Variants in SYNE2 observed in about 807,000 individuals in gnomAD.
The protein encoded by SYNE2 is spectrin repeat containing nuclear envelope protein 2.
A neutral mutation model predicts 856.3 loss-of-function variants in SYNE2; 431 were observed. The observed-to-expected ratio is 0.50, with a 90% CI of 0.47 to 0.55. The LOEUF (loss-of-function observed/expected upper bound fraction) is 0.55. Ranked by LOEUF, SYNE2 falls within the 20% of genes least tolerant of loss-of-function variation. SYNE2 has a pLI of 0.00. For synonymous variants in SYNE2, 2,923 were observed against 2,872.3 expected (o/e 1.02, Z -0.56); for missense variants, 8,129 against 8,023.2 (o/e 1.01, Z -0.50).
intron 99 of SYNE2, 97 bp from the exon 100 acceptor site, chr14:64,202,704 T>C (rs2098579785): frequency 6.6e-7 from 1 of 1,512,500 alleles, no homozygotes; most frequent in Non-Finnish European, 9.1e-7. Context: ...CCTGCAATGC[T>C]CTTACTGGCA....
At chr14:63,814,084 C>A (rs1178842712) in intron 1 of SYNE2, among the ~76,000 whole-genome samples, 1 of 150,406 alleles carries the variant, frequency 6.6e-6, no homozygotes, top group East Asian at 1.9e-4. Context: ...ACAACAACAA[C>A]AACAACAGCA....
intron 2 of SYNE2, among the ~76,000 whole-genome samples, chr14:63,925,589 A>G (rs1466883872): frequency 6.6e-6 from 1 of 152,118 alleles, no homozygotes; most frequent in African/African-American, 2.4e-5. Context: ...GCTAGCAAAT[A>G]CTAGGTCTTC....
At chr14:63,975,736 A>G (rs2096537293) in intron 11 of SYNE2, among the ~76,000 whole-genome samples, 1 of 152,242 alleles carries the variant, frequency 6.6e-6, no homozygotes, top group Non-Finnish European at 1.5e-5. Context: ...GCATTTGAGC[A>G]TCTAATTTTC....
intron 1 of SYNE2, among the ~76,000 whole-genome samples, chr14:63,887,040 T>C (rs999462267): frequency 3.3e-5 from 5 of 152,156 alleles, no homozygotes; most frequent in Non-Finnish European, 5.9e-5. Flanking sequence ...CCCAGGACTT[T>C]GGGAGGCCAA....
At chr14:64,067,437 T>TA (rs1379698247) in intron 51 of SYNE2, among the ~76,000 whole-genome samples, 2 of 152,218 alleles carry the variant, frequency 1.3e-5, no homozygotes, top group African/African-American at 4.8e-5. Flanking sequence ...TCTGTCAACT[T>TA]ACATGATATT....
chr14:63,953,371 AG>A (rs1229554145), intron 7 of SYNE2, among the ~76,000 whole-genome samples: 1 of 152,208 alleles, frequency 6.6e-6, no homozygotes, highest in Non-Finnish European at 1.5e-5. Context: ...TTTGAGAAAC[AG>A]GAACAAGGCT....
At chr14:64,188,515 CTA>C in intron 97 of SYNE2, 33 bp from the exon 98 acceptor site, 2 of 1,613,886 alleles carry the variant, frequency 1.2e-6, no homozygotes, top group Non-Finnish European at 1.7e-6. Context: ...TCCTTCCTGG[CTA>C]TACTCAGCTG....
At chr14:64,142,196 C>T (rs1041130916) in intron 82 of SYNE2, 108 bp downstream of exon 82, 1 of 1,328,470 alleles carries the variant, frequency 7.5e-7, no homozygotes, top group Non-Finnish European at 1.1e-6. Context: ...AAAACTAATT[C>T]TAGGGGTAGG....
chr14:64,088,938 A>G (rs1487143996), intron 58 of SYNE2, among the ~76,000 whole-genome samples: 2 of 152,372 alleles, frequency 1.3e-5, no homozygotes, highest in Non-Finnish European at 1.5e-5. Flanking sequence ...CCTAAAATAC[A>G]TTGTATAATT....
At chr14:64,001,794 T>A in intron 28 of SYNE2, 140 bp from the exon 29 acceptor site, 1 of 931,572 alleles carries the variant, frequency 1.1e-6, no homozygotes, top group South Asian at 1.3e-5. Flanking sequence ...ATTAATGTGA[T>A]AATGTGTATG....
At chr14:63,837,698 G>A (rs138356410) in intron 1 of SYNE2, among the ~76,000 whole-genome samples, 1,753 of 151,740 alleles carry the variant, frequency 0.012, 19 homozygotes, top group Non-Finnish European at 0.017. Context: ...GTGGATTGCT[G>A]GAGCCCAGGA....
chr14:63,840,851 A>G (rs1890044057), intron 1 of SYNE2, among the ~76,000 whole-genome samples: 1 of 152,020 alleles, frequency 6.6e-6, no homozygotes, highest in African/African-American at 2.4e-5. Context: ...CATCTCTATT[A>G]AAAAGACAAA....
chr14:64,037,801 C>A (rs1175412096), intron 45 of SYNE2, among the ~76,000 whole-genome samples: 19 of 141,164 alleles, frequency 1.3e-4, no homozygotes, highest in African/African-American at 4.7e-4. Flanking sequence ...CGGGCAGAGG[C>A]GCCCCTCACC....
chr14:64,041,375 A>C, intron 45 of SYNE2, among the ~76,000 whole-genome samples: 1 of 152,330 alleles, frequency 6.6e-6, no homozygotes, highest in Middle Eastern at 3.4e-3. Context: ...AAAAGACATC[A>C]TACACAAAAT....
At chr14:64,184,078 A>G (rs2098476087) in intron 96 of SYNE2, among the ~76,000 whole-genome samples, 1 of 152,164 alleles carries the variant, frequency 6.6e-6, no homozygotes, top group Non-Finnish European at 1.5e-5. Context: ...AAACTTCCAC[A>G]AGAGACCTCA....
intron 84 of SYNE2, among the ~76,000 whole-genome samples, chr14:64,150,953 T>A (rs1479005927): frequency 6.6e-6 from 1 of 152,110 alleles, no homozygotes; most frequent in African/African-American, 2.4e-5. Context: ...AGAATAATAT[T>A]TCATAAATTC....
At chr14:63,947,485 A>C (rs2096054617) in intron 6 of SYNE2, among the ~76,000 whole-genome samples, 1 of 152,222 alleles carries the variant, frequency 6.6e-6, no homozygotes. Flanking sequence ...GTTATGTTGA[A>C]ACAATCAAAA....
At chr14:64,205,797 C>A (rs1373126060) in intron 100 of SYNE2, among the ~76,000 whole-genome samples, 2 of 151,972 alleles carry the variant, frequency 1.3e-5, no homozygotes, top group Non-Finnish European at 2.9e-5. Flanking sequence ...CTTTAAGATC[C>A]CTGTCCTAGT....
In SYNE2 at chr14:64,146,146, G is replaced by A. The variant is rs1172094975; in HGVS notation, c.15562G>A (p.Ala5188Thr). 1 of 1,611,868 alleles carries A rather than the reference G, an allele frequency of 6.2e-7. No individual in the cohort carries two copies. Residue 5188 changes from alanine (A) to threonine (T), a missense_variant, in exon 84 of 116, where the codon GCA becomes ACA. Ala to Thr is a moderately conservative substitution (Grantham distance 58). This residue lies in a region of SYNE2 where 5,410 missense variants were observed against 5,284.8 expected (regional missense o/e 1.02). Transcript: ENST00000555002. The stretch of plus-strand genomic sequence containing the variant: ...ACAGATCTTGAACAACTGGCTGGAA[G>A]CACAAGAAGAGAGACTGAAAACTTT... ...KIQILNNWLEAQEERLKTLQK... is the reference protein window; with the variant it reads ...KIQILNNWLETQEERLKTLQK...
Sources: allele counts gnomAD v4.1 joint callset (sites outside exome capture counted in the v4.1 genomes callset), GRCh38; gene constraint gnomAD v4.1.1; regional missense constraint gnomAD v4.1.1; transcripts MANE v1.5; gene names NCBI Gene and HGNC (gene_info 2026-07-23, HGNC 2026-07-21).